HHIPL1: variants seen among roughly 807,000 people sequenced by gnomAD.
HHIPL1 encodes the protein HHIP like 1.
HHIPL1 carries 43 observed loss-of-function variants against 61.8 expected under a neutral mutation model. The observed-to-expected ratio is 0.70, with a 90% CI of 0.55 to 0.90. HHIPL1 has a LOEUF of 0.90. Among genes scored for constraint, HHIPL1 ranks in the 40% least tolerant of loss-of-function variants. The probability of loss-of-function intolerance (pLI) is 0.00; values close to 1 mark genes in which losing one functional copy is unlikely to be tolerated. For synonymous variants in HHIPL1, 482 were observed against 515.8 expected (o/e 0.93, Z 0.89); for missense variants, 1,056 against 1,157.7 (o/e 0.91, Z 1.28).
At chr14:99,657,680 T>TAC (rs1156659822) in intron 3 of HHIPL1, among the ~76,000 whole-genome samples, 10 of 151,722 alleles carry the variant, frequency 6.6e-5, no homozygotes, top group Non-Finnish European at 8.8e-5. Context: ...CTCATTCCAT[T>TAC]ACACACACAC....
chr14:99,657,522 C>T (rs1288288435), intron 3 of HHIPL1, among the ~76,000 whole-genome samples: 1 of 152,164 alleles, frequency 6.6e-6, no homozygotes, highest in African/African-American at 2.4e-5. Context: ...GGATGCTTCC[C>T]AGGCCGAATG....
intron 1 of HHIPL1, among the ~76,000 whole-genome samples, chr14:99,646,832 G>GATATAATATAATATA (rs1186393743): frequency 8.7e-6 from 1 of 115,004 alleles, no homozygotes; most frequent in African/African-American, 3.2e-5. Context: ...GATATGATAT[G>GATATAATATAATATA]ATATAATATA....
At chr14:99,629,773 G>C in the HHIPL1 span, among the ~76,000 whole-genome samples, 1 of 152,204 alleles carries the variant, frequency 6.6e-6, no homozygotes, top group South Asian at 2.1e-4. Context: ...GAAGTGCTGG[G>C]ATTACAGGCG....
chr14:99,656,468 G>A (rs913616096), intron 2 of HHIPL1, among the ~76,000 whole-genome samples: 1 of 152,014 alleles, frequency 6.6e-6, no homozygotes, highest in Non-Finnish European at 1.5e-5. Context: ...ATCACTTAAT[G>A]TAAAGGATAT....
the HHIPL1 span, among the ~76,000 whole-genome samples, chr14:99,631,116 T>TCTC: frequency 4.1e-4 from 52 of 125,656 alleles, no homozygotes; most frequent in Middle Eastern, 4.0e-3. Context: ...TTCTCTCTCT[T>TCTC]TCTTTCTTTC....
the HHIPL1 span, among the ~76,000 whole-genome samples, chr14:99,637,061 A>AGG: frequency 7.8e-5 from 10 of 128,090 alleles, no homozygotes; most frequent in Admixed American, 2.6e-4. Context: ...GAAGGAAGGA[A>AGG]AAAAGAAAGA....
At chr14:99,664,305 T>G (rs1239784130) in intron 6 of HHIPL1, among the ~76,000 whole-genome samples, 1 of 152,136 alleles carries the variant, frequency 6.6e-6, no homozygotes, top group Non-Finnish European at 1.5e-5. Context: ...GAATCTGAAT[T>G]TCCAAAAAGG....
At chr14:99,644,833 T>G (rs2055801116), upstream of HHIPL1, among the ~76,000 whole-genome samples, 1 of 152,180 alleles carries the variant, frequency 6.6e-6, no homozygotes, top group African/African-American at 2.4e-5. Context: ...CCTAGCCCAG[T>G]GGGAGGTGGA....
the HHIPL1 span, among the ~76,000 whole-genome samples, chr14:99,637,224 G>GAA: frequency 7.4e-6 from 1 of 135,944 alleles, no homozygotes; most frequent in African/African-American, 3.0e-5. Flanking sequence ...AAGAAAGAAA[G>GAA]AAAGAAAGAA....
intron 6 of HHIPL1, among the ~76,000 whole-genome samples, chr14:99,664,525 G>A (rs930419422): frequency 6.6e-6 from 1 of 152,328 alleles, no homozygotes; most frequent in East Asian, 1.9e-4. Flanking sequence ...GCACCAGTGA[G>A]ACTGGCGGCC....
chr14:99,670,237 G>A (rs1168090961), intron 7 of HHIPL1, among the ~76,000 whole-genome samples: 4 of 151,700 alleles, frequency 2.6e-5, no homozygotes, highest in Admixed American at 6.6e-5. Flanking sequence ...TCAGCCTCCC[G>A]AGTAGCTGGG....
intron 6 of HHIPL1, among the ~76,000 whole-genome samples, chr14:99,665,295 T>C (rs889117312): frequency 6.6e-6 from 1 of 152,186 alleles, no homozygotes; most frequent in African/African-American, 2.4e-5. Context: ...CCTGACCTTA[T>C]GCTGATTGAG....
At chr14:99,605,383 GGGGC>G in the HHIPL1 span, among the ~76,000 whole-genome samples, 216 of 142,656 alleles carry the variant, frequency 1.5e-3, 2 homozygotes, top group African/African-American at 4.9e-3. Flanking sequence ...GGGGCGGGGC[GGGGC>G]GGGGGGGGGT....
At chr14:99,667,406 G>A (rs2056263036) in intron 6 of HHIPL1, among the ~76,000 whole-genome samples, 1 of 152,106 alleles carries the variant, frequency 6.6e-6, no homozygotes, top group Non-Finnish European at 1.5e-5. Context: ...GGTTGGGAGG[G>A]AGGATTGGAG....
chr14:99,639,391 C>T, the HHIPL1 span, among the ~76,000 whole-genome samples: 4 of 151,994 alleles, frequency 2.6e-5, no homozygotes, highest in Non-Finnish European at 5.9e-5. Flanking sequence ...GCACTGTCAC[C>T]CAGGCTGAAG....
At chr14:99,621,428 G>A in the HHIPL1 span, among the ~76,000 whole-genome samples, 1 of 152,182 alleles carries the variant, frequency 6.6e-6, no homozygotes, top group Non-Finnish European at 1.5e-5. Flanking sequence ...TGATCTTGAG[G>A]CAGCTGGGAT....
upstream of HHIPL1, among the ~76,000 whole-genome samples, chr14:99,640,550 G>T (rs1398090880): frequency 1.3e-5 from 2 of 152,168 alleles, no homozygotes. Context: ...CTCCCAAAGT[G>T]CTGGAATATC....
In HHIPL1 at chr14:99,645,469, G is replaced by A; in HGVS notation, c.255+7G>A. ...GAGGGACCTGCTGTGCCAGGTGAGC[G>A]GGCGCGCGGCCACCGGGCGGGGCGG... is the stretch of plus-strand genomic sequence containing the variant. On this transcript the variant is annotated splice_region_variant and intron_variant, in intron 1 of 8. Coordinates refer to ENST00000330710, the MANE Select transcript of HHIPL1 (RefSeq NM_001127258.3). 1 of 1,278,652 alleles carries A rather than the reference G, an allele frequency of 7.8e-7. No homozygotes were observed. Among genetic ancestry groups the A allele is most frequent in the Non-Finnish European group, 9.8e-7 (1 of 1,018,652 alleles). 79.2% of individuals were successfully genotyped at this position (1,278,652 alleles called of 1,614,324 possible).
upstream of HHIPL1, among the ~76,000 whole-genome samples, chr14:99,644,788 G>A (rs4905876): frequency 0.79 from 120,381 of 152,060 alleles, 47,873 homozygotes; most frequent in Admixed American, 0.84. Context: ...ATGTTACGTG[G>A]GAGCTTTCGG....
Sources: allele counts gnomAD v4.1 joint callset (sites outside exome capture counted in the v4.1 genomes callset), GRCh38; gene constraint gnomAD v4.1.1; transcripts MANE v1.5; gene names NCBI Gene and HGNC (gene_info 2026-07-23, HGNC 2026-07-21).